GABRG3: variants seen among roughly 807,000 people sequenced by gnomAD.
GABRG3 encodes gamma-aminobutyric acid receptor subunit gamma-3.
A neutral mutation model predicts 48.8 loss-of-function variants in GABRG3; 25 were observed. The observed-to-expected ratio is 0.51, with a 90% CI of 0.37 to 0.72. The LOEUF is 0.72. GABRG3 is among the 30% of genes least tolerant of loss of function. The pLI is 0.00. For synonymous variants in GABRG3, 227 were observed against 217.6 expected, an observed-to-expected ratio of 1.04 and a Z score of -0.38; for missense variants, 394 against 577.9, an observed-to-expected ratio of 0.68 and a Z score of 3.26.
At chr15:27,505,540 T>C (rs1890740738) in intron 6 of GABRG3, among the ~76,000 whole-genome samples, 1 of 152,198 alleles carries the variant, frequency 6.6e-6, no homozygotes, top group South Asian at 2.1e-4. Context: ...AAAAAATTTG[T>C]TTACATTTTC....
chr15:27,036,949 C>G (rs1415849727), intron 3 of GABRG3, among the ~76,000 whole-genome samples: 1 of 152,154 alleles, frequency 6.6e-6, no homozygotes, highest in Non-Finnish European at 1.5e-5. Context: ...AAGGGTGGCC[C>G]CTACTGCAGT....
chr15:27,231,683 T>G (rs779713110), intron 3 of GABRG3, among the ~76,000 whole-genome samples: 7 of 152,224 alleles, frequency 4.6e-5, no homozygotes, highest in Non-Finnish European at 1.0e-4. Context: ...GCTGTGGAAT[T>G]GAAAATAGAG....
At chr15:27,013,457 A>G (rs774656655) in intron 2 of GABRG3, among the ~76,000 whole-genome samples, 4 of 152,136 alleles carry the variant, frequency 2.6e-5, no homozygotes, top group Non-Finnish European at 5.9e-5. Context: ...AATTCAATAT[A>G]ATGATCTTTT....
chr15:27,294,591 G>C (rs962028586), intron 3 of GABRG3, among the ~76,000 whole-genome samples: 21 of 152,168 alleles, frequency 1.4e-4, no homozygotes, highest in African/African-American at 5.1e-4. Flanking sequence ...GTTCTTACGG[G>C]GTTGTCTTTG....
intron 5 of GABRG3, among the ~76,000 whole-genome samples, chr15:27,397,988 T>C (rs1312106566): frequency 6.6e-6 from 1 of 151,936 alleles, no homozygotes; most frequent in Non-Finnish European, 1.5e-5. Flanking sequence ...GTATTTTTAG[T>C]TGAGATGGGG....
chr15:26,992,888 C>A (rs750801654), intron 2 of GABRG3, among the ~76,000 whole-genome samples: 2 of 151,956 alleles, frequency 1.3e-5, no homozygotes, highest in African/African-American at 4.8e-5. Context: ...GATCTTATTA[C>A]TTTTTATTGG....
At chr15:27,042,193 T>C (rs1896288089) in intron 3 of GABRG3, among the ~76,000 whole-genome samples, 2 of 152,154 alleles carry the variant, frequency 1.3e-5, no homozygotes, top group African/African-American at 2.4e-5. Context: ...TCAGCAGCAT[T>C]TGTCCCCTAG....
chr15:27,263,719 C>T (rs780074356), intron 3 of GABRG3, among the ~76,000 whole-genome samples: 4 of 152,160 alleles, frequency 2.6e-5, no homozygotes, highest in Middle Eastern at 3.4e-3. Context: ...GGTCATACTG[C>T]AGGCTGAGAC....
intron 5 of GABRG3, among the ~76,000 whole-genome samples, chr15:27,357,560 T>C (rs779775405): frequency 1.2e-4 from 18 of 152,196 alleles, no homozygotes; most frequent in Non-Finnish European, 1.9e-4. Context: ...GACACATTTC[T>C]AAAAAAATAA....
At chr15:27,159,807 A>T (rs1774253093) in intron 3 of GABRG3, among the ~76,000 whole-genome samples, 1 of 152,148 alleles carries the variant, frequency 6.6e-6, no homozygotes. Flanking sequence ...TGACCTGCTT[A>T]CCTTATGGGG....
chr15:27,284,647 C>T (rs1304861524), intron 3 of GABRG3, among the ~76,000 whole-genome samples: 1 of 152,138 alleles, frequency 6.6e-6, no homozygotes. Context: ...GTCTAAAAAT[C>T]CTCAGAGTCC....
intron 3 of GABRG3, among the ~76,000 whole-genome samples, chr15:27,250,126 G>C (rs1043605165): frequency 6.6e-6 from 1 of 152,032 alleles, no homozygotes; most frequent in Non-Finnish European, 1.5e-5. Flanking sequence ...GCCTCTGCTG[G>C]ACTGGCCAGC....
intron 3 of GABRG3, among the ~76,000 whole-genome samples, chr15:27,268,754 T>TC (rs34025582): frequency 0.59 from 89,636 of 151,338 alleles, 27,109 homozygotes; most frequent in Non-Finnish European, 0.65. Context: ...TCTGTGCAGT[T>TC]TGCCTTCTAA....
At chr15:27,104,260 G>A (rs895901370) in intron 3 of GABRG3, among the ~76,000 whole-genome samples, 12 of 152,102 alleles carry the variant, frequency 7.9e-5, no homozygotes, top group African/African-American at 2.7e-4. Flanking sequence ...TCTCATTTCT[G>A]CTCATGGCAA....
At position 27,179,236 on chromosome 15, in the gene GABRG3, C is replaced by T. The variant is rs148946976; in HGVS notation, c.271-147573C>T. 4.9e-4 allele frequency among the ~76,000 whole-genome samples: 74 copies of T among 152,248 alleles called. No homozygotes were observed. The highest frequency in any genetic ancestry group is 1.3e-3 in the African/African-American group (55 of 41,548). ...CTTACTCCTATCATCAATGCATTGCCGTGATTTGCCATTTCAAACATGCCC... is the reference window on the plus strand; with the variant it reads ...CTTACTCCTATCATCAATGCATTGCTGTGATTTGCCATTTCAAACATGCCC... On this transcript the variant is annotated intron_variant, in intron 3 of 9. Coordinates refer to ENST00000615808, the MANE Select transcript of GABRG3 (RefSeq NM_033223.5). This position sits in a 1 kb window ranked among gnomAD's most constrained non-coding sequence, Gnocchi z 4.0.
chr15:27,005,778 CT>C (rs1895572504), intron 2 of GABRG3, among the ~76,000 whole-genome samples: 1 of 152,176 alleles, frequency 6.6e-6, no homozygotes, highest in Non-Finnish European at 1.5e-5. Context: ...TCAAAGCAAG[CT>C]GCAAGTCTGA....
At chr15:27,506,897 G>C (rs112918445) in intron 6 of GABRG3, among the ~76,000 whole-genome samples, 3,980 of 150,930 alleles carry the variant, frequency 0.026, 169 homozygotes, top group African/African-American at 0.092. Context: ...GTTTCTTAAG[G>C]TGGTAGCTTA....
At chr15:27,292,698 G>A (rs1472261256) in intron 3 of GABRG3, among the ~76,000 whole-genome samples, 1 of 152,120 alleles carries the variant, frequency 6.6e-6, no homozygotes, top group African/African-American at 2.4e-5. Flanking sequence ...ATTCACTTGA[G>A]TTAGCTGAAA....
intron 3 of GABRG3, among the ~76,000 whole-genome samples, chr15:27,123,225 C>T (rs1897761629): frequency 6.6e-6 from 1 of 152,158 alleles, no homozygotes; most frequent in Admixed American, 6.5e-5. Context: ...AGTTCTCATT[C>T]TTGTAGGTAT....
Sources: allele counts gnomAD v4.1 joint callset (sites outside exome capture counted in the v4.1 genomes callset), GRCh38; gene constraint gnomAD v4.1.1; non-coding constraint Gnocchi (gnomAD v3.1); transcripts MANE v1.5; gene names NCBI Gene and HGNC (gene_info 2026-07-23, HGNC 2026-07-21).